The following SGCZ variants were observed in gnomAD, a reference collection of about 807,000 sequenced individuals.
The protein encoded by SGCZ is sarcoglycan zeta, also known as zeta-sarcoglycan.
In SGCZ, 40 loss-of-function variants were observed where a neutral mutation model predicts 41.3. The ratio of observed to expected loss-of-function variants is 0.97; its 90% CI spans 0.75 to 1.26. SGCZ has a LOEUF of 1.26. Ranked by LOEUF, SGCZ falls within the 50% of genes most tolerant of loss-of-function variation. SGCZ has a pLI of 0.00. For missense variants in SGCZ, 552 were observed against 369.8 expected, an observed-to-expected ratio of 1.49 and a Z score of -4.04; for synonymous variants, 206 against 137.5, an observed-to-expected ratio of 1.50 and a Z score of -3.49.
intron 6 of SGCZ, among the ~76,000 whole-genome samples, chr8:14,105,957 G>T (rs1436713611): frequency 2.0e-5 from 3 of 151,928 alleles, no homozygotes; most frequent in Admixed American, 1.3e-4. Flanking sequence ...TTCTATAAAT[G>T]TATTTTAAGT....
intron 2 of SGCZ, among the ~76,000 whole-genome samples, chr8:14,397,431 CT>C (rs996279074): frequency 7.1e-6 from 1 of 140,672 alleles, no homozygotes; most frequent in South Asian, 2.1e-4. Context: ...GGCATAATTT[CT>C]TTTTTTCTAT....
In SGCZ at chr8:14,749,190, C is replaced by T. The variant is rs545565716; in HGVS notation, c.40-194264G>A. On this transcript the variant is annotated intron_variant, in intron 1 of 7. Transcript: ENST00000382080. ...TAATTACCAAATAAGCAAGATAAAC[C>T]TAACCTGATTTATTATTTTTATTTG... is the stretch of plus-strand genomic sequence containing the variant. Among the ~76,000 whole-genome samples the T allele has an allele frequency of 2.5e-4, 38 of 152,078 alleles. 1 individual carries two copies. The South Asian group carries it at 7.1e-3, about 28-fold the overall frequency.
At chr8:14,357,164 A>T (rs28681366) in intron 2 of SGCZ, among the ~76,000 whole-genome samples, 3,990 of 152,268 alleles carry the variant, frequency 0.026, 144 homozygotes, top group African/African-American at 0.09. Flanking sequence ...CAAAAGAATT[A>T]AAACAATATA....
intron 1 of SGCZ, among the ~76,000 whole-genome samples, chr8:14,849,690 T>C (rs926907425): frequency 2.0e-5 from 3 of 152,118 alleles, no homozygotes; most frequent in African/African-American, 7.2e-5. Context: ...GGAGTCTTTG[T>C]TGGTAATGCA....
At chr8:15,034,205 A>G (rs900025862) in intron 1 of SGCZ, among the ~76,000 whole-genome samples, 1 of 152,198 alleles carries the variant, frequency 6.6e-6, no homozygotes, top group Non-Finnish European at 1.5e-5. Flanking sequence ...AAATACAAAG[A>G]AACAATTGAA....
chr8:14,581,091 G>C (rs1015180187), intron 1 of SGCZ, among the ~76,000 whole-genome samples: 23 of 151,974 alleles, frequency 1.5e-4, no homozygotes, highest in Non-Finnish European at 2.5e-4. Context: ...CTCGTACTTT[G>C]GTTACTAATT....
chr8:14,134,905 G>A (rs1235938308), intron 5 of SGCZ, among the ~76,000 whole-genome samples: 1 of 152,098 alleles, frequency 6.6e-6, no homozygotes, highest in East Asian at 1.9e-4. Flanking sequence ...AGTTCATGAT[G>A]AGAATGTTAA....
At chr8:15,028,798 C>T (rs570231910) in intron 1 of SGCZ, among the ~76,000 whole-genome samples, 4 of 152,160 alleles carry the variant, frequency 2.6e-5, no homozygotes, top group Non-Finnish European at 2.9e-5. Context: ...AGACTACATA[C>T]TTCTTCCTTA....
chr8:14,432,169 C>T (rs531946013), intron 2 of SGCZ, among the ~76,000 whole-genome samples: 1 of 152,174 alleles, frequency 6.6e-6, no homozygotes, highest in African/African-American at 2.4e-5. Flanking sequence ...ATCCAGCAAT[C>T]CCACTACTGG....
At chr8:15,083,008 CA>C (rs1805809917) in intron 1 of SGCZ, among the ~76,000 whole-genome samples, 1 of 150,974 alleles carries the variant, frequency 6.6e-6, no homozygotes, top group African/African-American at 2.5e-5. Context: ...TTACTACAGA[CA>C]AATTTCTGCA....
intron 2 of SGCZ, among the ~76,000 whole-genome samples, chr8:14,365,106 A>C (rs1213373802): frequency 6.6e-6 from 1 of 151,890 alleles, no homozygotes; most frequent in Non-Finnish European, 1.5e-5. Flanking sequence ...TGCCCTTTTC[A>C]CTTTTGTCAT....
chr8:14,173,184 G>A (rs935473251), intron 4 of SGCZ, among the ~76,000 whole-genome samples: 9 of 151,550 alleles, frequency 5.9e-5, no homozygotes, highest in Admixed American at 5.9e-4. Flanking sequence ...TTTTTTAAGA[G>A]AGACAACAAC....
chr8:14,286,009 A>C (rs941531538), intron 3 of SGCZ, among the ~76,000 whole-genome samples: 2 of 152,088 alleles, frequency 1.3e-5, no homozygotes, highest in African/African-American at 4.8e-5. Context: ...TATCAGGATA[A>C]ATTATTACTA....
chr8:14,691,989 T>C (rs1206579118), intron 1 of SGCZ, among the ~76,000 whole-genome samples: 1 of 151,980 alleles, frequency 6.6e-6, no homozygotes, highest in Non-Finnish European at 1.5e-5. Flanking sequence ...ATTAGTAGGA[T>C]AGTTCACTTA....
intron 1 of SGCZ, among the ~76,000 whole-genome samples, chr8:14,711,286 T>C (rs1474955215): frequency 6.6e-6 from 1 of 152,040 alleles, no homozygotes; most frequent in East Asian, 1.9e-4. Flanking sequence ...ACTTTTATTC[T>C]CATTAATAAT....
At chr8:14,359,815 G>GAAAAAAAAA (rs1258410378) in intron 2 of SGCZ, among the ~76,000 whole-genome samples, 1 of 109,486 alleles carries the variant, frequency 9.1e-6, no homozygotes, top group Admixed American at 9.6e-5. Context: ...TACAAAAAAA[G>GAAAAAAAAA]AAAAAAAAAA....
At chr8:14,466,716 T>C (rs1801060731) in intron 2 of SGCZ, among the ~76,000 whole-genome samples, 1 of 151,968 alleles carries the variant, frequency 6.6e-6, no homozygotes, top group African/African-American at 2.4e-5. Flanking sequence ...AATTTTTTAC[T>C]CTGCCTGCTC....
intron 2 of SGCZ, among the ~76,000 whole-genome samples, chr8:14,494,917 T>C (rs1322839669): frequency 6.6e-6 from 1 of 152,234 alleles, no homozygotes; most frequent in African/African-American, 2.4e-5. Flanking sequence ...AGCATTATCC[T>C]TGCTGCCCTA....
At chr8:14,643,721 C>A (rs546721469) in intron 1 of SGCZ, among the ~76,000 whole-genome samples, 2 of 151,632 alleles carry the variant, frequency 1.3e-5, no homozygotes, top group Non-Finnish European at 3.0e-5. Flanking sequence ...TTGGAAATAT[C>A]TGAAAGATAA....
Sources: allele counts gnomAD v4.1 joint callset (sites outside exome capture counted in the v4.1 genomes callset), GRCh38; gene constraint gnomAD v4.1.1; transcripts MANE v1.5; gene names NCBI Gene and HGNC (gene_info 2026-07-23, HGNC 2026-07-21).